NSMCE1: variants seen among roughly 807,000 people sequenced by gnomAD.
The protein encoded by NSMCE1 is non-structural maintenance of chromosomes element 1 homolog.
NSMCE1 carries 18 observed loss-of-function variants against 29.6 expected under a neutral mutation model. The observed-to-expected ratio is 0.61, with a 90% CI of 0.42 to 0.90. The LOEUF (loss-of-function observed/expected upper bound fraction) is 0.90, where lower values mean the gene tolerates loss of function less well. NSMCE1 is among the 40% of genes least tolerant of loss of function. The probability of loss-of-function intolerance (pLI) is 0.00; values close to 1 mark genes in which losing one functional copy is unlikely to be tolerated. For missense variants in NSMCE1, 314 were observed against 343.6 expected (o/e 0.91, Z 0.68); for synonymous variants, 124 against 133.4 (o/e 0.93, Z 0.49).
intron 2 of NSMCE1, among the ~76,000 whole-genome samples, chr16:27,238,832 A>G (rs2083857328): frequency 6.6e-6 from 1 of 151,452 alleles, no homozygotes; most frequent in Admixed American, 6.6e-5. Context: ...CTGGCCACCA[A>G]TGAGTCCTAT....
At chr16:27,248,469 G>C (rs2083983063) in intron 2 of NSMCE1, among the ~76,000 whole-genome samples, 2 of 137,206 alleles carry the variant, frequency 1.5e-5, no homozygotes, top group African/African-American at 5.5e-5. Flanking sequence ...GGAGTGCAGT[G>C]GCGTGATCTC....
At chr16:27,241,824 T>G (rs1426692280) in intron 2 of NSMCE1, 1 of 454,980 alleles carries the variant, frequency 2.2e-6, no homozygotes, top group Non-Finnish European at 4.4e-6. Context: ...CAGCAACCAA[T>G]GCAGAGGCGA....
chr16:27,225,471 CAG>C (rs1394890722), intron 7 of NSMCE1, among the ~76,000 whole-genome samples: 2 of 152,200 alleles, frequency 1.3e-5, no homozygotes, highest in East Asian at 1.9e-4. Flanking sequence ...AGAGGGCTGC[CAG>C]AGAGAGAGCC....
intron 2 of NSMCE1, among the ~76,000 whole-genome samples, chr16:27,248,660 C>T (rs994634256): frequency 6.6e-6 from 1 of 152,084 alleles, no homozygotes; most frequent in Non-Finnish European, 1.5e-5. Flanking sequence ...CCACCCACCT[C>T]GGCCTCCCAA....
At chr16:27,227,646 T>A (rs146330072) in intron 5 of NSMCE1, among the ~76,000 whole-genome samples, 9 of 152,344 alleles carry the variant, frequency 5.9e-5, no homozygotes, top group African/African-American at 2.2e-4. Flanking sequence ...AGTCAGCTCA[T>A]GCATCGGATA....
intron 2 of NSMCE1, among the ~76,000 whole-genome samples, chr16:27,236,928 C>T (rs1383870811): frequency 2.0e-5 from 3 of 151,684 alleles, no homozygotes; most frequent in Non-Finnish European, 2.9e-5. Flanking sequence ...CTAAGCTACC[C>T]GTACAACTCA....
At chr16:27,235,346 TC>T (rs2083809428) in intron 2 of NSMCE1, 47 bp from the exon 3 acceptor site, 1 of 1,598,070 alleles carries the variant, frequency 6.3e-7, no homozygotes, top group African/African-American at 1.4e-5. Flanking sequence ...GGGGGCCTCA[TC>T]AAAAAAATGT....
chr16:27,231,561 C>T (rs919257298), intron 5 of NSMCE1, among the ~76,000 whole-genome samples: 5 of 151,722 alleles, frequency 3.3e-5, no homozygotes, highest in Admixed American at 6.6e-5. Context: ...CGCTTGAATC[C>T]GGGAGGTTGA....
chr16:27,251,195 T>TATATATAAAA (rs1567281315), intron 2 of NSMCE1, among the ~76,000 whole-genome samples: 1 of 78,032 alleles, frequency 1.3e-5, no homozygotes, highest in African/African-American at 6.0e-5. Flanking sequence ...TATATAAATA[T>TATATATAAAA]ATATATATAT....
chr16:27,226,473 A>G, intron 6 of NSMCE1: 1 of 472,664 alleles, frequency 2.1e-6, no homozygotes, highest in South Asian at 3.1e-5. Flanking sequence ...TGAGAAAAAT[A>G]AAGTAAGCGA....
chr16:27,264,348 G>C (rs1288669643), intron 1 of NSMCE1, among the ~76,000 whole-genome samples: 2 of 152,176 alleles, frequency 1.3e-5, no homozygotes, highest in African/African-American at 2.4e-5. Context: ...ATTCCAGCCA[G>C]GATGACAGAG....
At chr16:27,240,025 C>G (rs2083874695) in intron 2 of NSMCE1, among the ~76,000 whole-genome samples, 1 of 152,158 alleles carries the variant, frequency 6.6e-6, no homozygotes, top group Admixed American at 6.5e-5. Flanking sequence ...GATGAAATCA[C>G]TAGTATCATC....
At position 27,237,178 on chromosome 16, in the gene NSMCE1, G is replaced by T. The variant is rs1596677635; in HGVS notation, c.137-1879C>A. Among the ~76,000 whole-genome samples the T allele has an allele frequency of 2.0e-5, 3 of 152,334 alleles. No individual in the cohort carries two copies. In the East Asian group the frequency reaches 5.8e-4, roughly 29 times the overall value. On this transcript the variant is annotated intron_variant, in intron 2 of 7. Transcript: ENST00000361439. ...AAAAGGCAGTTTAAATTAAAAAGTA[G>T]TCATAGTAAGTGGGTGGAACATGGA...
intron 5 of NSMCE1, 63 bp from the exon 6 acceptor site, chr16:27,226,899 T>G: frequency 1.0e-6 from 1 of 1,003,826 alleles, no homozygotes; most frequent in Non-Finnish European, 1.6e-6. Context: ...ACCACCTCTC[T>G]TCCCTCTGTG....
intron 1 of NSMCE1, among the ~76,000 whole-genome samples, chr16:27,260,858 CAAA>C (rs55762579): frequency 2.8e-4 from 25 of 87,948 alleles, no homozygotes; most frequent in African/African-American, 7.1e-4. Flanking sequence ...GACCCTGTCT[CAAA>C]AAAAAAAAAA....
intron 1 of NSMCE1, among the ~76,000 whole-genome samples, chr16:27,266,004 T>C (rs2084220757): frequency 6.6e-6 from 1 of 152,212 alleles, no homozygotes; most frequent in Admixed American, 6.5e-5. Context: ...GGCAGGTACA[T>C]GAGTGTTCAT....
chr16:27,242,951 T>C (rs1038014018), intron 2 of NSMCE1, among the ~76,000 whole-genome samples: 25 of 152,244 alleles, frequency 1.6e-4, no homozygotes, highest in Admixed American at 1.0e-3. Context: ...CTGATCCCTG[T>C]TGGGTAAGTT....
intron 2 of NSMCE1, among the ~76,000 whole-genome samples, chr16:27,254,420 A>G (rs1195331966): frequency 6.6e-6 from 1 of 152,240 alleles, no homozygotes; most frequent in African/African-American, 2.4e-5. Context: ...AAGGTCAAAT[A>G]AAGGCAAAAA....
intron 1 of NSMCE1, among the ~76,000 whole-genome samples, chr16:27,258,951 T>C (rs953749035): frequency 6.6e-6 from 1 of 152,018 alleles, no homozygotes; most frequent in Non-Finnish European, 1.5e-5. Context: ...GGTTTCACCA[T>C]GTTGGCCAGG....
Sources: gnomAD v4.1 joint callset for allele counts (sites outside exome capture counted in the v4.1 genomes callset) on GRCh38, gnomAD v4.1.1 for gene constraint, MANE v1.5 for transcripts, NCBI Gene and HGNC (gene_info 2026-07-23, HGNC 2026-07-21) for gene names.